Variants in PRIM2 observed in about 807,000 individuals in gnomAD.
PRIM2 encodes the protein DNA primase large subunit.
PRIM2 carries 39 observed loss-of-function variants against 67.3 expected under a neutral mutation model. The ratio of observed to expected loss-of-function variants is 0.58; its 90% CI spans 0.45 to 0.76. The LOEUF (loss-of-function observed/expected upper bound fraction) is 0.76, where lower values mean the gene tolerates loss of function less well. Ranked by LOEUF, PRIM2 falls within the 30% of genes least tolerant of loss-of-function variation. PRIM2 has a pLI of 0.00. For synonymous variants in PRIM2, 143 were observed against 198.7 expected, an observed-to-expected ratio of 0.72 and a Z score of 2.36; for missense variants, 398 against 598.7, an observed-to-expected ratio of 0.66 and a Z score of 3.50.
At chr6:57,570,116 A>G (rs1257619769) in intron 10 of PRIM2, among the ~76,000 whole-genome samples, 22 of 152,298 alleles carry the variant, frequency 1.4e-4, no homozygotes, top group Non-Finnish European at 2.8e-4. Context: ...GTACATCAGA[A>G]ACCATATTTT....
At chr6:57,631,957 G>A (rs1278446747) in intron 12 of PRIM2, among the ~76,000 whole-genome samples, 176 bp from the exon 13 acceptor site, 3 of 152,216 alleles carry the variant, frequency 2.0e-5, no homozygotes, top group African/African-American at 7.2e-5. Context: ...AACCACTACT[G>A]TATAATGTCA....
chr6:57,622,834 C>CA (rs1776883683), intron 12 of PRIM2, among the ~76,000 whole-genome samples: 1 of 152,112 alleles, frequency 6.6e-6, no homozygotes, highest in Non-Finnish European at 1.5e-5. Flanking sequence ...CCAAAACTGG[C>CA]AAATGCCTTT....
At chr6:57,245,661 A>T in the PRIM2 span, among the ~76,000 whole-genome samples, 2 of 152,272 alleles carry the variant, frequency 1.3e-5, no homozygotes, top group South Asian at 2.1e-4. Flanking sequence ...GTCTGGTGTA[A>T]CTGCTTCCAC....
the PRIM2 span, among the ~76,000 whole-genome samples, chr6:57,247,048 G>A: frequency 1.3e-5 from 2 of 152,030 alleles, no homozygotes; most frequent in African/African-American, 4.8e-5. Flanking sequence ...TAGAGACGGG[G>A]TTTCACCGTG....
intron 7 of PRIM2, among the ~76,000 whole-genome samples, chr6:57,482,144 C>T (rs1419373670): frequency 7.2e-6 from 1 of 139,050 alleles, no homozygotes; most frequent in South Asian, 2.2e-4. Context: ...ATATTGTTGA[C>T]AAAAATAATT....
chr6:57,556,180 G>A (rs1775510265), intron 10 of PRIM2, among the ~76,000 whole-genome samples: 1 of 152,218 alleles, frequency 6.6e-6, no homozygotes, highest in Admixed American at 6.5e-5. Flanking sequence ...CATACTCACA[G>A]ATAGGAAAAA....
rs4715660 is a variant in PRIM2 at position 57,346,843 on chromosome 6, G to T, written c.459+20798G>T. Among the ~76,000 whole-genome samples the T allele has an allele frequency of 6.8e-4, 104 of 152,240 alleles. 2 individuals carry two copies. The East Asian group carries it at 0.018, about 27-fold the overall frequency. ...ATTTTGTGTTCTCAGTCTTTGAGTGGCTTAATCTGAGTTACAAAGGGAGGA... is the reference window on the plus strand; with the variant it reads ...ATTTTGTGTTCTCAGTCTTTGAGTGTCTTAATCTGAGTTACAAAGGGAGGA... On this transcript the variant is annotated intron_variant, in intron 5 of 13. Transcript: ENST00000615550.
chr6:57,548,533 T>C, intron 10 of PRIM2, among the ~76,000 whole-genome samples: 1 of 152,210 alleles, frequency 6.6e-6, no homozygotes, highest in Non-Finnish European at 1.5e-5. Flanking sequence ...TTAAAACATT[T>C]ATCTATTATG....
chr6:57,271,158 G>T, the PRIM2 span, among the ~76,000 whole-genome samples: 1 of 152,192 alleles, frequency 6.6e-6, no homozygotes, highest in Non-Finnish European at 1.5e-5. Flanking sequence ...GAGTTAGGGA[G>T]GATTCCCTCT....
intron 7 of PRIM2, among the ~76,000 whole-genome samples, chr6:57,421,182 G>A (rs1451531419): frequency 3.3e-5 from 5 of 152,138 alleles, no homozygotes; most frequent in Non-Finnish European, 4.4e-5. Flanking sequence ...TTTCAAGAAA[G>A]TCATAGAAAA....
the PRIM2 span, among the ~76,000 whole-genome samples, chr6:57,274,754 C>T: frequency 6.6e-6 from 1 of 152,160 alleles, no homozygotes; most frequent in African/African-American, 2.4e-5. Context: ...GGAGCTTTTC[C>T]TATTCAGCCG....
chr6:57,425,172 C>A lies in PRIM2; in HGVS notation c.693+43004C>A, dbSNP rs199552203. On this transcript the variant is annotated intron_variant, in intron 7 of 13. Coordinates refer to ENST00000615550, the MANE Select transcript of PRIM2 (RefSeq NM_000947.5). ...GTGTATTTAAATTATATTTTCATTT[C>A]TTTTCCTTTTTGAACAAATAATTAG... Among the ~76,000 whole-genome samples the A allele has an allele frequency of 1.4e-4, 21 of 152,094 alleles. No individual in the cohort carries two copies. In the East Asian group the frequency reaches 4.0e-3, roughly 29 times the overall value.
intron 10 of PRIM2, among the ~76,000 whole-genome samples, chr6:57,542,596 AAG>A (rs1422306338): frequency 6.6e-6 from 1 of 152,074 alleles, no homozygotes; most frequent in Non-Finnish European, 1.5e-5. Flanking sequence ...ATTCTTATAA[AAG>A]AAAATAAATA....
chr6:57,360,145 T>A (rs1769149634), intron 5 of PRIM2, among the ~76,000 whole-genome samples: 1 of 152,240 alleles, frequency 6.6e-6, no homozygotes, highest in South Asian at 2.1e-4. Context: ...TCCTTTTTGC[T>A]TGCTAAATTC....
chr6:57,251,444 T>C, the PRIM2 span, among the ~76,000 whole-genome samples: 1 of 152,230 alleles, frequency 6.6e-6, no homozygotes, highest in Admixed American at 6.5e-5. Flanking sequence ...ATTTGGTGGC[T>C]CATGTCTCTT....
At chr6:57,487,159 A>G (rs1365274040) in intron 7 of PRIM2, among the ~76,000 whole-genome samples, 9 of 152,188 alleles carry the variant, frequency 5.9e-5, no homozygotes, top group Non-Finnish European at 1.2e-4. Flanking sequence ...TTTAATATTA[A>G]ATTTAATTGG....
At chr6:57,489,325 C>A (rs1297672889) in intron 7 of PRIM2, among the ~76,000 whole-genome samples, 1 of 148,564 alleles carries the variant, frequency 6.7e-6, no homozygotes, top group Non-Finnish European at 1.5e-5. Flanking sequence ...GGGAGGCCAG[C>A]GCAGGCAGAT....
chr6:57,243,836 C>T, the PRIM2 span, among the ~76,000 whole-genome samples: 11 of 152,080 alleles, frequency 7.2e-5, no homozygotes, highest in African/African-American at 2.4e-4. Flanking sequence ...TGTAAGTTGC[C>T]GAGGTTGTGG....
At chr6:57,628,182 C>G (rs1441160824) in intron 12 of PRIM2, among the ~76,000 whole-genome samples, 1 of 152,190 alleles carries the variant, frequency 6.6e-6, no homozygotes, top group Non-Finnish European at 1.5e-5. Context: ...TATCCCATTT[C>G]TCTGGCTTTC....
Sources: allele counts gnomAD v4.1 joint callset (sites outside exome capture counted in the v4.1 genomes callset), GRCh38; gene constraint gnomAD v4.1.1; transcripts MANE v1.5; gene names NCBI Gene and HGNC (gene_info 2026-07-23, HGNC 2026-07-21).